KIF26B: variants seen among roughly 807,000 people sequenced by gnomAD.
KIF26B encodes kinesin family member 26B.
KIF26B carries 63 observed loss-of-function variants against 151.2 expected under a neutral mutation model. That is an observed-to-expected ratio of 0.42 (90% confidence interval 0.34 to 0.51). KIF26B has a LOEUF of 0.51. KIF26B is among the 20% of genes least tolerant of loss of function. The pLI, the probability that KIF26B is intolerant of heterozygous loss-of-function variation, is 0.07. For synonymous variants in KIF26B, 1,357 were observed against 1,262.1 expected (o/e 1.08, Z -1.59); for missense variants, 2,813 against 2,913.6 (o/e 0.97, Z 0.79).
At chr1:245,242,620 G>A (rs948725839) in intron 2 of KIF26B, among the ~76,000 whole-genome samples, 1 of 151,076 alleles carries the variant, frequency 6.6e-6, no homozygotes, top group Non-Finnish European at 1.5e-5. Context: ...CAGCTGCATG[G>A]TGTTCCATTG....
intron 9 of KIF26B, among the ~76,000 whole-genome samples, chr1:245,621,221 G>A (rs1048079707): frequency 3.9e-5 from 6 of 152,178 alleles, no homozygotes; most frequent in Non-Finnish European, 8.8e-5. Context: ...GCGGGAAGGC[G>A]AGTTAAAAGA....
intron 2 of KIF26B, among the ~76,000 whole-genome samples, chr1:245,196,959 G>A (rs1159251802): frequency 6.6e-6 from 1 of 152,134 alleles, no homozygotes; most frequent in East Asian, 1.9e-4. Context: ...AGCTCCTTCG[G>A]TGTTTGGCGG....
chr1:245,407,483 C>CT (rs1674165014), intron 3 of KIF26B, among the ~76,000 whole-genome samples: 1 of 151,470 alleles, frequency 6.6e-6, no homozygotes, highest in South Asian at 2.1e-4. Context: ...TCTTTTTGTT[C>CT]TTTTTTCTCT....
rs2044521023 is a variant in KIF26B, at chr1:245,686,419, G to A, written c.3436G>A (p.Gly1146Arg). Residue 1146 changes from glycine (G) to arginine (R), a missense_variant, in exon 12 of 15, where the codon GGG (glycine) becomes AGG (arginine). Around this residue, in one of 3 missense-constraint regions of KIF26B, gnomAD observed 2,060 missense variants for 2,088.6 expected, o/e 0.99. Coordinates refer to ENST00000407071, the MANE Select transcript of KIF26B (RefSeq NM_018012.4). The surrounding 1 kb of genome is among the most constrained non-coding windows in gnomAD (Gnocchi z 5.6). ...LKKSMSAGSE[G>R]FPETPVDDEQ... is the part of the protein sequence containing the mutation. ...AAAATCCATGTCTGCTGGGAGCGAA[G>A]GGTTCCCGGAAACTCCTGTCGATGA... The A allele has an allele frequency of 1.2e-6, 2 of 1,613,438 alleles. No individual in the cohort carries two copies. The highest frequency in any genetic ancestry group is 8.5e-7 in the Non-Finnish European group (1 of 1,179,892).
At chr1:245,159,027 T>C (rs1470877407) in intron 2 of KIF26B, among the ~76,000 whole-genome samples, 1 of 152,166 alleles carries the variant, frequency 6.6e-6, no homozygotes, top group Non-Finnish European at 1.5e-5. Flanking sequence ...CCCGGAGCAA[T>C]ATTAATGAAC....
intron 2 of KIF26B, among the ~76,000 whole-genome samples, chr1:245,292,923 G>A (rs370466341): frequency 6.9e-4 from 105 of 152,252 alleles, no homozygotes; most frequent in African/African-American, 2.4e-3. Context: ...CTTCGGTGCC[G>A]TCCCTGCTCC....
chr1:245,498,257 A>G (rs534109854), intron 4 of KIF26B, among the ~76,000 whole-genome samples: 1 of 152,214 alleles, frequency 6.6e-6, no homozygotes, highest in Admixed American at 6.5e-5. Context: ...GTGGTCAGAG[A>G]AGCTGGAAAT....
intron 2 of KIF26B, among the ~76,000 whole-genome samples, chr1:245,159,671 G>C (rs1245491582): frequency 6.6e-6 from 1 of 152,156 alleles, no homozygotes; most frequent in African/African-American, 2.4e-5. Context: ...GCTGCCATAT[G>C]AGTTCTCACA....
intron 9 of KIF26B, among the ~76,000 whole-genome samples, chr1:245,641,664 A>G (rs1292848476): frequency 6.6e-6 from 1 of 151,502 alleles, no homozygotes; most frequent in African/African-American, 2.4e-5. Flanking sequence ...TACCTCCAGG[A>G]TTTCTGTTTA....
intron 5 of KIF26B, among the ~76,000 whole-genome samples, chr1:245,556,284 T>TTCCTCCTCCTCCCTCCC (rs1438760761): frequency 8.1e-6 from 1 of 123,528 alleles, no homozygotes; most frequent in Admixed American, 8.0e-5. Flanking sequence ...CTTCTTCTTC[T>TTCCTCCTCCTCCCTCCC]TCCTCCTCCT....
intron 9 of KIF26B, among the ~76,000 whole-genome samples, chr1:245,633,675 C>T (rs2103174172): frequency 6.6e-6 from 1 of 151,974 alleles, no homozygotes; most frequent in African/African-American, 2.4e-5. Context: ...AAAGACTTTA[C>T]TTTTCATTCA....
At chr1:245,207,610 G>A (rs1379415346) in intron 2 of KIF26B, among the ~76,000 whole-genome samples, 1 of 152,176 alleles carries the variant, frequency 6.6e-6, no homozygotes, top group Non-Finnish European at 1.5e-5. Context: ...CGGTGGGAGA[G>A]TTGTTTACTG....
intron 10 of KIF26B, among the ~76,000 whole-genome samples, chr1:245,678,964 G>C (rs1325605483): frequency 6.6e-6 from 1 of 152,136 alleles, no homozygotes. Flanking sequence ...TCATGTGCCT[G>C]TTTCCGTTTT....
intron 4 of KIF26B, among the ~76,000 whole-genome samples, chr1:245,498,568 A>T (rs186954887): frequency 4.3e-4 from 66 of 152,338 alleles, no homozygotes; most frequent in African/African-American, 1.5e-3. Context: ...AAGCTGTGTC[A>T]GAGGGCACTC....
At chr1:245,373,710 C>T (rs191355241) in intron 3 of KIF26B, among the ~76,000 whole-genome samples, 1 of 152,204 alleles carries the variant, frequency 6.6e-6, no homozygotes, top group African/African-American at 2.4e-5. Context: ...GTCTCTATTA[C>T]AGCTTTAGAA....
chr1:245,646,420 G>A (rs1440635571), intron 10 of KIF26B, 140 bp downstream of exon 10: 8 of 829,514 alleles, frequency 9.6e-6, no homozygotes, highest in African/African-American at 3.4e-5. Flanking sequence ...ACCAGCCTTA[G>A]CTAACAGTTG....
intron 10 of KIF26B, among the ~76,000 whole-genome samples, chr1:245,661,786 CACAT>C (rs1338854133): frequency 9.3e-5 from 7 of 75,646 alleles, no homozygotes; most frequent in Non-Finnish European, 1.5e-4. Flanking sequence ...GATATATATA[CACAT>C]ACACACACAC....
chr1:245,573,214 G>A (rs1417520768), intron 5 of KIF26B, among the ~76,000 whole-genome samples: 6 of 152,122 alleles, frequency 3.9e-5, no homozygotes, highest in East Asian at 1.9e-4. Context: ...AAAGTTTACC[G>A]AGGTCACAGT....
intron 2 of KIF26B, chr1:245,283,194 T>A (rs1465156393): frequency 6.3e-6 from 1 of 158,354 alleles, no homozygotes; most frequent in Non-Finnish European, 1.4e-5. Context: ...ACACAGCCAC[T>A]GACAGCAAGC....
Sources: allele counts gnomAD v4.1 joint callset (sites outside exome capture counted in the v4.1 genomes callset), GRCh38; gene constraint gnomAD v4.1.1; regional missense constraint gnomAD v4.1.1; non-coding constraint Gnocchi (gnomAD v3.1); transcripts MANE v1.5; gene names NCBI Gene and HGNC (gene_info 2026-07-23, HGNC 2026-07-21).